Variants in DLG2 observed in about 807,000 individuals in gnomAD.
DLG2 encodes the protein discs large MAGUK scaffold protein 2, also known as disks large homolog 2.
In DLG2, 45 loss-of-function variants were observed where a neutral mutation model predicts 132.5. The ratio of observed to expected loss-of-function variants is 0.34; its 90% CI spans 0.27 to 0.44. The LOEUF is 0.44. DLG2 is among the 20% of genes least tolerant of loss of function. DLG2 has a pLI of 1.00. For synonymous variants in DLG2, 424 were observed against 419.6 expected (o/e 1.01, Z -0.13); for missense variants, 1,045 against 1,196.9 (o/e 0.87, Z 1.87).
At chr11:85,020,007 G>A (rs1339180920) in intron 6 of DLG2, among the ~76,000 whole-genome samples, 1 of 152,108 alleles carries the variant, frequency 6.6e-6, no homozygotes, top group African/African-American at 2.4e-5. Flanking sequence ...TGGGTCAAAT[G>A]GTATTTCTAC....
chr11:84,319,041 A>G (rs2098387129), intron 7 of DLG2, among the ~76,000 whole-genome samples: 1 of 152,224 alleles, frequency 6.6e-6, no homozygotes, highest in South Asian at 2.1e-4. Context: ...TCTGGTGTTG[A>G]GGTATTCTTG....
chr11:84,624,277 T>C (rs771214927), intron 6 of DLG2, among the ~76,000 whole-genome samples: 2 of 152,200 alleles, frequency 1.3e-5, no homozygotes, highest in Admixed American at 6.5e-5. Context: ...GAGGCATTAG[T>C]ACCATCATAA....
intron 17 of DLG2, among the ~76,000 whole-genome samples, chr11:83,831,029 C>T (rs2054344548): frequency 6.6e-6 from 1 of 152,174 alleles, no homozygotes; most frequent in Admixed American, 6.5e-5. Context: ...ATAGTGACTT[C>T]TTAATGTACC....
chr11:84,053,076 T>A (rs1322465495), intron 11 of DLG2, among the ~76,000 whole-genome samples: 1 of 152,136 alleles, frequency 6.6e-6, no homozygotes, highest in South Asian at 2.1e-4. Context: ...TGGAATACTA[T>A]GCAGCCATAA....
At chr11:83,756,610 A>G (rs1258957913) in intron 18 of DLG2, among the ~76,000 whole-genome samples, 2 of 151,482 alleles carry the variant, frequency 1.3e-5, no homozygotes, top group Non-Finnish European at 2.9e-5. Flanking sequence ...AGAAGGAGAT[A>G]ATAACCTCAT....
At chr11:83,475,021 G>A (rs1400787003) in intron 22 of DLG2, among the ~76,000 whole-genome samples, 1 of 152,066 alleles carries the variant, frequency 6.6e-6, no homozygotes, top group Non-Finnish European at 1.5e-5. Context: ...TTCTATGAAA[G>A]GCACTGGTTC....
chr11:85,484,664 G>A (rs1361757931), intron 3 of DLG2, among the ~76,000 whole-genome samples: 23 of 152,128 alleles, frequency 1.5e-4, no homozygotes, highest in East Asian at 1.2e-3. Flanking sequence ...ACCACCTCAC[G>A]CCAGTTAGAA....
intron 18 of DLG2, among the ~76,000 whole-genome samples, chr11:83,718,556 GA>G (rs57801736): frequency 1.6e-5 from 2 of 128,574 alleles, no homozygotes; most frequent in African/African-American, 2.9e-5. Context: ...AAAAAAGAAA[GA>G]AAAAAAGAAA....
chr11:83,793,728 C>A (rs1594494490), intron 17 of DLG2, among the ~76,000 whole-genome samples: 1 of 152,174 alleles, frequency 6.6e-6, no homozygotes. Flanking sequence ...TACCTACCTA[C>A]CTACCTATCA....
At chr11:84,071,019 C>T (rs952850215) in intron 10 of DLG2, among the ~76,000 whole-genome samples, 74 of 152,104 alleles carry the variant, frequency 4.9e-4, no homozygotes, top group African/African-American at 1.6e-3. Context: ...TCTTTTTTAG[C>T]CACACATCCA....
chr11:84,264,474 T>C (rs906466109), intron 7 of DLG2, among the ~76,000 whole-genome samples: 1 of 152,178 alleles, frequency 6.6e-6, no homozygotes, highest in Non-Finnish European at 1.5e-5. Flanking sequence ...AGGAGGAATA[T>C]TATCTGTTGC....
intron 7 of DLG2, among the ~76,000 whole-genome samples, chr11:84,348,287 AAAAT>A (rs1175356645): frequency 6.6e-6 from 1 of 152,246 alleles, no homozygotes; most frequent in African/African-American, 2.4e-5. Context: ...CTAAAGAAGA[AAAAT>A]AAAGCTCAAG....
chr11:85,405,139 A>T (rs749109552), intron 3 of DLG2, among the ~76,000 whole-genome samples: 6 of 151,964 alleles, frequency 3.9e-5, no homozygotes, highest in Admixed American at 6.6e-5. Flanking sequence ...GTGGTTTGAC[A>T]CTGCTAAGTA....
chr11:84,733,951 T>C (rs1387543511), intron 6 of DLG2, among the ~76,000 whole-genome samples: 1 of 152,144 alleles, frequency 6.6e-6, no homozygotes, highest in Non-Finnish European at 1.5e-5. Context: ...TGGTTGTAGA[T>C]ATGTGGTATT....
At chr11:84,415,650 G>A (rs1481990237) in intron 7 of DLG2, among the ~76,000 whole-genome samples, 1 of 152,168 alleles carries the variant, frequency 6.6e-6, no homozygotes, top group African/African-American at 2.4e-5. Context: ...GCCAGCGCCA[G>A]TGAAACACAT....
intron 18 of DLG2, among the ~76,000 whole-genome samples, chr11:83,758,633 G>A (rs2093758725): frequency 6.6e-6 from 1 of 152,036 alleles, no homozygotes; most frequent in African/African-American, 2.4e-5. Context: ...GAGAATACAA[G>A]TAACTATCTC....
chr11:85,205,901 T>C (rs1196364492), intron 4 of DLG2, among the ~76,000 whole-genome samples: 1 of 152,180 alleles, frequency 6.6e-6, no homozygotes, highest in Non-Finnish European at 1.5e-5. Flanking sequence ...CACAGAATAC[T>C]TGCATTCCTT....
chr11:85,374,938 T>A lies in DLG2; in HGVS notation c.41-89573A>T, dbSNP rs150948782. On this transcript the variant is annotated intron_variant, in intron 3 of 27. Coordinates refer to ENST00000376104, the MANE Select transcript of DLG2 (RefSeq NM_001142699.3). ...TTTAGGGCTGAAATGTTACGATACT[T>A]GCAATTTAATTTCAAATTATTCAGC... Among the ~76,000 whole-genome samples the A allele has an allele frequency of 2.5e-3, 382 of 152,150 alleles. 5 individuals carry two copies. The highest frequency in any genetic ancestry group is 8.8e-3 in the African/African-American group (367 of 41,508).
chr11:84,823,441 C>T (rs1422077894), intron 6 of DLG2, among the ~76,000 whole-genome samples: 1 of 151,800 alleles, frequency 6.6e-6, no homozygotes, highest in Non-Finnish European at 1.5e-5. Flanking sequence ...CAGCCTCTAA[C>T]CTTTTTACTT....
Sources: gnomAD v4.1 joint callset for allele counts (sites outside exome capture counted in the v4.1 genomes callset) on GRCh38, gnomAD v4.1.1 for gene constraint, MANE v1.5 for transcripts, NCBI Gene and HGNC (gene_info 2026-07-23, HGNC 2026-07-21) for gene names.